ADAMTS6: variants seen among roughly 807,000 people sequenced by gnomAD.
ADAMTS6 encodes A disintegrin and metalloproteinase with thrombospondin motifs 6.
Under a neutral mutation model 144.3 loss-of-function variants are expected in ADAMTS6, and 23 were observed. The ratio of observed to expected loss-of-function variants is 0.16; its 90% CI spans 0.11 to 0.23. ADAMTS6 has a LOEUF of 0.23. ADAMTS6 is among the 10% of genes least tolerant of loss of function. The pLI, the probability that ADAMTS6 is intolerant of heterozygous loss-of-function variation, is 1.00. For synonymous variants in ADAMTS6, 444 were observed against 457.5 expected, an observed-to-expected ratio of 0.97 and a Z score of 0.38; for missense variants, 999 against 1,379.6, an observed-to-expected ratio of 0.72 and a Z score of 4.37.
At chr5:65,373,145 A>G (rs1344147512) in intron 7 of ADAMTS6, among the ~76,000 whole-genome samples, 2 of 151,124 alleles carry the variant, frequency 1.3e-5, no homozygotes, top group Non-Finnish European at 3.0e-5. Flanking sequence ...AATGCCCACA[A>G]GAGAAAGCAG....
At chr5:65,466,558 A>T (rs1760020815) in intron 3 of ADAMTS6, among the ~76,000 whole-genome samples, 1 of 152,208 alleles carries the variant, frequency 6.6e-6, no homozygotes, top group Non-Finnish European at 1.5e-5. Flanking sequence ...CCTAGCACCT[A>T]CAACAGTGCC....
chr5:65,337,435 C>T (rs1747409922), intron 7 of ADAMTS6, among the ~76,000 whole-genome samples: 1 of 151,672 alleles, frequency 6.6e-6, no homozygotes, highest in Non-Finnish European at 1.5e-5. Context: ...TATTTTCCTT[C>T]TTCTTCATGT....
At chr5:65,302,423 A>T (rs554346434) in intron 9 of ADAMTS6, among the ~76,000 whole-genome samples, 6 of 150,178 alleles carry the variant, frequency 4.0e-5, no homozygotes, top group Non-Finnish European at 7.4e-5. Flanking sequence ...ATATATGTGC[A>T]TATACACATA....
At chr5:65,308,283 T>C (rs1030061994) in intron 9 of ADAMTS6, among the ~76,000 whole-genome samples, 1 of 152,204 alleles carries the variant, frequency 6.6e-6, no homozygotes, top group Admixed American at 6.5e-5. Context: ...CTGGTGCCTA[T>C]GCATTGTGCT....
At chr5:65,319,603 C>G (rs1206089426) in intron 9 of ADAMTS6, among the ~76,000 whole-genome samples, 1 of 145,734 alleles carries the variant, frequency 6.9e-6, no homozygotes, top group African/African-American at 2.5e-5. Context: ...TGCAGTGAGC[C>G]GAGATTGTGC....
intron 7 of ADAMTS6, among the ~76,000 whole-genome samples, chr5:65,375,091 C>T (rs1320015354): frequency 2.6e-5 from 4 of 152,178 alleles, no homozygotes; most frequent in South Asian, 2.1e-4. Flanking sequence ...CTTCCTTACA[C>T]CTTATTCAAA....
At chr5:65,375,233 T>C (rs1751403948) in intron 7 of ADAMTS6, among the ~76,000 whole-genome samples, 1 of 152,278 alleles carries the variant, frequency 6.6e-6, no homozygotes, top group African/African-American at 2.4e-5. Flanking sequence ...CCAAAAGGAA[T>C]GGTAACAAAA....
chr5:65,443,791 T>C (rs1181786866), intron 7 of ADAMTS6, among the ~76,000 whole-genome samples: 7 of 148,798 alleles, frequency 4.7e-5, no homozygotes, highest in Non-Finnish European at 5.9e-5. Flanking sequence ...AAAAAAAAAC[T>C]CTCAGCAAAC....
intron 7 of ADAMTS6, among the ~76,000 whole-genome samples, chr5:65,405,329 G>T (rs1280620056): frequency 1.3e-5 from 2 of 152,160 alleles, no homozygotes. Context: ...TATATAAGGT[G>T]TAAGGAAGGG....
chr5:65,459,065 C>T (rs1409874489), intron 4 of ADAMTS6, among the ~76,000 whole-genome samples: 16 of 150,882 alleles, frequency 1.1e-4, no homozygotes, highest in African/African-American at 2.9e-4. Context: ...TTCTGGAGAA[C>T]GGGGTCTCGC....
intron 13 of ADAMTS6, among the ~76,000 whole-genome samples, chr5:65,261,507 C>T (rs938522483): frequency 1.3e-5 from 2 of 152,042 alleles, no homozygotes; most frequent in Non-Finnish European, 2.9e-5. Flanking sequence ...GTTGAACTTA[C>T]GTTAGTTATT....
At chr5:65,314,000 C>T (rs1561411745) in intron 9 of ADAMTS6, among the ~76,000 whole-genome samples, 1 of 151,808 alleles carries the variant, frequency 6.6e-6, no homozygotes, top group South Asian at 2.1e-4. Context: ...CATACTGAAA[C>T]ATGGGCAAAA....
chr5:65,224,633 C>T (rs1757586849), intron 17 of ADAMTS6, among the ~76,000 whole-genome samples: 2 of 152,158 alleles, frequency 1.3e-5, no homozygotes, highest in African/African-American at 4.8e-5. Flanking sequence ...AGCCTCAACA[C>T]GAATAATGGT....
chr5:65,273,824 T>C (rs1487402867), intron 11 of ADAMTS6, among the ~76,000 whole-genome samples: 3 of 152,102 alleles, frequency 2.0e-5, no homozygotes, highest in Non-Finnish European at 4.4e-5. Context: ...CAATTACTAA[T>C]AAAGAGATGC....
intron 14 of ADAMTS6, among the ~76,000 whole-genome samples, chr5:65,253,786 C>T (rs1239316105): frequency 1.5e-5 from 2 of 135,558 alleles, no homozygotes; most frequent in African/African-American, 5.4e-5. Context: ...CTGGAAAATA[C>T]TAAAGTCTTG....
chr5:65,236,454 A>AT (rs939136004), intron 15 of ADAMTS6, among the ~76,000 whole-genome samples: 23 of 151,968 alleles, frequency 1.5e-4, no homozygotes, highest in African/African-American at 5.3e-4. Flanking sequence ...CACCCAGCTA[A>AT]TTTTTTATTT....
chr5:65,157,407 C>A (rs927271249), intron 24 of ADAMTS6, among the ~76,000 whole-genome samples: 3 of 152,200 alleles, frequency 2.0e-5, no homozygotes, highest in Non-Finnish European at 4.4e-5. Context: ...CCAAGAAATA[C>A]AAGACCAAGT....
intron 20 of ADAMTS6, among the ~76,000 whole-genome samples, chr5:65,208,134 C>A (rs936548445): frequency 2.6e-5 from 4 of 152,208 alleles, no homozygotes; most frequent in Non-Finnish European, 5.9e-5. Context: ...CCTTAGAATT[C>A]AACTAGTAGC....
chr5:65,470,543 G>A (rs1760351487), intron 3 of ADAMTS6, among the ~76,000 whole-genome samples: 1 of 151,986 alleles, frequency 6.6e-6, no homozygotes, highest in Non-Finnish European at 1.5e-5. Flanking sequence ...CTGAAGTTTT[G>A]TTCATTCCTC....
Sources: gnomAD v4.1 joint callset for allele counts (sites outside exome capture counted in the v4.1 genomes callset) on GRCh38, gnomAD v4.1.1 for gene constraint, MANE v1.5 for transcripts, NCBI Gene and HGNC (gene_info 2026-07-23, HGNC 2026-07-21) for gene names.